GALNT10: variants seen among roughly 807,000 people sequenced by gnomAD.
The protein encoded by GALNT10 is polypeptide N-acetylgalactosaminyltransferase 10.
A neutral mutation model predicts 75.0 loss-of-function variants in GALNT10; 41 were observed. That is an observed-to-expected ratio of 0.55 (90% confidence interval 0.43 to 0.71). The LOEUF is 0.71. Ranked by LOEUF, GALNT10 falls within the 30% of genes least tolerant of loss-of-function variation. GALNT10 has a pLI of 0.00. For missense variants in GALNT10, 727 were observed against 818.5 expected (o/e 0.89, Z 1.36); for synonymous variants, 302 against 313.0 (o/e 0.96, Z 0.37).
rs1249281383 is a variant in GALNT10, at chr5:154,225,494, A to G, written c.159+34469A>G. Among the ~76,000 whole-genome samples the G allele has an allele frequency of 1.3e-5, 2 of 151,200 alleles. 1 individual carries two copies. The highest frequency in any genetic ancestry group is 4.2e-4 in the South Asian group (2 of 4,774). On this transcript the variant is annotated intron_variant, in intron 1 of 11. Coordinates refer to ENST00000297107, the MANE Select transcript of GALNT10 (RefSeq NM_198321.4). The stretch of plus-strand genomic sequence containing the variant: ...CAGCCTTGACCTCCTGGGCTCAAGT[A>G]GTCCTCCCAACTCAGCCTCCTGAGT...
intron 4 of GALNT10, among the ~76,000 whole-genome samples, chr5:154,331,284 A>G (rs995793491): frequency 1.3e-5 from 2 of 152,118 alleles, no homozygotes; most frequent in African/African-American, 4.8e-5. Context: ...GTAAGCCTTG[A>G]GCACACTATA....
At chr5:154,243,386 A>G (rs571210836) in intron 1 of GALNT10, among the ~76,000 whole-genome samples, 52 of 152,352 alleles carry the variant, frequency 3.4e-4, no homozygotes, top group Non-Finnish European at 6.9e-4. Flanking sequence ...TCTGAGTACT[A>G]TTTAACATAG....
At chr5:154,191,751 A>G (rs1031868102) in intron 1 of GALNT10, among the ~76,000 whole-genome samples, 20 of 152,224 alleles carry the variant, frequency 1.3e-4, no homozygotes, top group Admixed American at 6.5e-5. Context: ...GGGACCCCCA[A>G]AATGTCCCAG....
chr5:154,304,684 A>G (rs1276077157), intron 3 of GALNT10, among the ~76,000 whole-genome samples: 2 of 152,222 alleles, frequency 1.3e-5, no homozygotes. Context: ...TATTGTTTAA[A>G]TCTTTTAAAA....
At chr5:154,375,502 G>C (rs1252695488) in intron 4 of GALNT10, among the ~76,000 whole-genome samples, 1 of 152,232 alleles carries the variant, frequency 6.6e-6, no homozygotes, top group Admixed American at 6.5e-5. Context: ...TAAGCAAGGA[G>C]AGGAATTTGC....
chr5:154,330,006 C>G (rs1754827828), intron 4 of GALNT10: 1 of 277,164 alleles, frequency 3.6e-6, no homozygotes, highest in Non-Finnish European at 6.7e-6. Flanking sequence ...ATAACTCAAA[C>G]AAGTGTAAGG....
intron 1 of GALNT10, among the ~76,000 whole-genome samples, chr5:154,261,702 A>G (rs1403992656): frequency 1.3e-5 from 2 of 152,120 alleles, no homozygotes; most frequent in African/African-American, 2.4e-5. Flanking sequence ...GGCCCCACAC[A>G]TGGACTCCCT....
At chr5:154,252,921 T>C (rs1364745400) in intron 1 of GALNT10, among the ~76,000 whole-genome samples, 2 of 151,740 alleles carry the variant, frequency 1.3e-5, no homozygotes, top group Non-Finnish European at 2.9e-5. Flanking sequence ...CCATTTCATC[T>C]TGATTTAAAA....
At chr5:154,268,288 CCA>C (rs1441840393) in intron 1 of GALNT10, among the ~76,000 whole-genome samples, 1 of 152,124 alleles carries the variant, frequency 6.6e-6, no homozygotes, top group Non-Finnish European at 1.5e-5. Context: ...TCACTGAATA[CCA>C]CAGTGTTAGA....
intron 1 of GALNT10, among the ~76,000 whole-genome samples, chr5:154,260,352 T>C (rs1176224468): frequency 6.6e-6 from 1 of 152,178 alleles, no homozygotes; most frequent in African/African-American, 2.4e-5. Context: ...TTCCAGACAC[T>C]GTCGGAATGC....
At chr5:154,353,668 A>G (rs903743966) in intron 4 of GALNT10, among the ~76,000 whole-genome samples, 1 of 152,204 alleles carries the variant, frequency 6.6e-6, no homozygotes, top group African/African-American at 2.4e-5. Flanking sequence ...CTGAGATTCT[A>G]TGGCAAAATG....
intron 7 of GALNT10, among the ~76,000 whole-genome samples, chr5:154,394,212 T>G (rs1379204027): frequency 6.6e-6 from 1 of 151,874 alleles, no homozygotes; most frequent in Non-Finnish European, 1.5e-5. Context: ...GAAAACCCAT[T>G]CTCTGGGTAG....
chr5:154,260,798 T>C (rs772923568), intron 1 of GALNT10, among the ~76,000 whole-genome samples: 1 of 152,214 alleles, frequency 6.6e-6, no homozygotes, highest in Non-Finnish European at 1.5e-5. Flanking sequence ...CTATTTAGCT[T>C]CTTCACGTGA....
chr5:154,413,267 G>T (rs917181199), intron 10 of GALNT10, among the ~76,000 whole-genome samples: 2 of 152,186 alleles, frequency 1.3e-5, no homozygotes, highest in South Asian at 2.1e-4. Context: ...GTGCGTTATT[G>T]TCTCATGTCC....
chr5:154,287,380 C>A (rs36126399), intron 1 of GALNT10: 21,617 of 152,254 alleles, frequency 0.14, 1,661 homozygotes, highest in Middle Eastern at 0.2. Context: ...CGCATTCTTT[C>A]CACATACTTT....
intron 7 of GALNT10, among the ~76,000 whole-genome samples, chr5:154,403,381 C>T (rs1330000555): frequency 1.3e-5 from 2 of 152,128 alleles, no homozygotes; most frequent in Non-Finnish European, 2.9e-5. Context: ...CAGGAGCTCT[C>T]TGTGATGTCA....
intron 5 of GALNT10, among the ~76,000 whole-genome samples, chr5:154,377,698 A>G (rs1404404642): frequency 6.6e-6 from 1 of 152,214 alleles, no homozygotes; most frequent in East Asian, 1.9e-4. Flanking sequence ...TGTAACACAG[A>G]TCAGCAAGGA....
At chr5:154,255,288 G>A (rs1753590077) in intron 1 of GALNT10, among the ~76,000 whole-genome samples, 2 of 152,130 alleles carry the variant, frequency 1.3e-5, no homozygotes, top group Non-Finnish European at 1.5e-5. Flanking sequence ...TTATGTGAGG[G>A]AAATCTGGTA....
At chr5:154,245,979 C>A (rs1753416265) in intron 1 of GALNT10, among the ~76,000 whole-genome samples, 1 of 151,442 alleles carries the variant, frequency 6.6e-6, no homozygotes, top group South Asian at 2.1e-4. Context: ...CCACAACAGG[C>A]CCCAGAGTGT....
Sources: gnomAD v4.1 joint callset for allele counts (sites outside exome capture counted in the v4.1 genomes callset) on GRCh38, gnomAD v4.1.1 for gene constraint, MANE v1.5 for transcripts, NCBI Gene and HGNC (gene_info 2026-07-23, HGNC 2026-07-21) for gene names.